Variants in DDX19B observed in about 807,000 individuals in gnomAD.
DDX19B encodes ATP-dependent RNA helicase DDX19B.
In DDX19B, 27 loss-of-function variants were observed where a neutral mutation model predicts 58.1. That is an observed-to-expected ratio of 0.46 (90% CI 0.34 to 0.64). The LOEUF (loss-of-function observed/expected upper bound fraction) is 0.64. Ranked by LOEUF, DDX19B falls within the 30% of genes least tolerant of loss-of-function variation. The pLI is 0.01. For missense variants in DDX19B, 399 were observed against 596.5 expected, an observed-to-expected ratio of 0.67 and a Z score of 3.45; for synonymous variants, 187 against 214.4, an observed-to-expected ratio of 0.87 and a Z score of 1.12.
At chr16:70,319,263 T>C (rs181637168) in intron 5 of DDX19B, among the ~76,000 whole-genome samples, 7 of 152,344 alleles carry the variant, frequency 4.6e-5, no homozygotes, top group South Asian at 2.1e-4. Flanking sequence ...TCAAATATAA[T>C]AGAAGCCAAA....
At chr16:70,308,801 C>T (rs1961919218) in intron 1 of DDX19B, among the ~76,000 whole-genome samples, 1 of 151,272 alleles carries the variant, frequency 6.6e-6, no homozygotes, top group African/African-American at 2.5e-5. Flanking sequence ...GTGTGAGCCA[C>T]TGTGCCCAGC....
intron 1 of DDX19B, among the ~76,000 whole-genome samples, chr16:70,299,698 T>C (rs11861097): frequency 0.093 from 14,157 of 152,056 alleles, 2,146 homozygotes; most frequent in African/African-American, 0.32. Context: ...GAACTCCTGG[T>C]CTCAAGCTAT....
chr16:70,290,245 A>G (rs1961025879), upstream of DDX19B, among the ~76,000 whole-genome samples: 1 of 151,976 alleles, frequency 6.6e-6, no homozygotes, highest in Non-Finnish European at 1.5e-5. Context: ...TCTACGAAAA[A>G]TTTTTTAAAA....
intron 5 of DDX19B, among the ~76,000 whole-genome samples, chr16:70,321,718 CAT>C (rs746046834): frequency 1.4e-4 from 22 of 152,246 alleles, no homozygotes; most frequent in African/African-American, 5.1e-4. Context: ...AATTTTATGA[CAT>C]ATATTTTTTA....
chr16:70,312,396 T>C (rs1461153544), intron 1 of DDX19B, among the ~76,000 whole-genome samples: 2 of 152,314 alleles, frequency 1.3e-5, no homozygotes, highest in Admixed American at 1.3e-4. Flanking sequence ...GGTACAGATT[T>C]GGAGCATTTT....
intron 1 of DDX19B, among the ~76,000 whole-genome samples, chr16:70,304,101 G>A (rs1413638033): frequency 2.6e-5 from 4 of 151,256 alleles, no homozygotes; most frequent in East Asian, 2.0e-4. Flanking sequence ...GTGCAGTGGC[G>A]CAATCTCAGC....
At chr16:70,293,183 G>A (rs1961103973), upstream of DDX19B, among the ~76,000 whole-genome samples, 2 of 152,138 alleles carry the variant, frequency 1.3e-5, no homozygotes, top group South Asian at 4.1e-4. Flanking sequence ...TTGGGATTCT[G>A]AGGTGGGTGG....
chr16:70,291,299 TC>T (rs1961054906), upstream of DDX19B, among the ~76,000 whole-genome samples: 1 of 152,166 alleles, frequency 6.6e-6, no homozygotes, highest in South Asian at 2.1e-4. Flanking sequence ...TTTATTCTGA[TC>T]CACAGTGCCC....
chr16:70,322,891 CAAA>C (rs113261271), intron 5 of DDX19B, among the ~76,000 whole-genome samples: 4 of 48,166 alleles, frequency 8.3e-5, no homozygotes. Flanking sequence ...AACTCCGTTG[CAAA>C]AAAAAAAAAA....
rs188951439 is a variant in DDX19B, at chr16:70,323,068, T to G, written c.390-1517T>G. ...GACCTCATTTTCCTCGTCCATATCTTTGGCCTGCTGCGGCTGCTCCGTTTT... is the reference window on the plus strand; with the variant it reads ...GACCTCATTTTCCTCGTCCATATCTGTGGCCTGCTGCGGCTGCTCCGTTTT... On this transcript the variant is annotated intron_variant, in intron 5 of 11. Coordinates refer to ENST00000288071, the MANE Select transcript of DDX19B (RefSeq NM_007242.7). Among the ~76,000 whole-genome samples the G allele has an allele frequency of 7.2e-4, 109 of 152,208 alleles. 1 individual carries two copies. The highest frequency in any genetic ancestry group is 2.4e-3 in the African/African-American group (100 of 41,554).
chr16:70,310,758 C>T (rs772004628), intron 1 of DDX19B, among the ~76,000 whole-genome samples: 4 of 152,108 alleles, frequency 2.6e-5, no homozygotes, highest in South Asian at 4.1e-4. Flanking sequence ...TGGCCAGGTG[C>T]GGTGGCTCAT....
chr16:70,293,241 A>C (rs962681962), upstream of DDX19B, among the ~76,000 whole-genome samples: 8 of 151,754 alleles, frequency 5.3e-5, no homozygotes, highest in African/African-American at 1.9e-4. Flanking sequence ...ACATGACAAA[A>C]CTCAACCTCT....
chr16:70,334,676 G>T lies in DDX19B; in HGVS notation c.*1094G>T, dbSNP rs1007235307. The stretch of plus-strand genomic sequence containing the variant: ...GGAATACAAACAGGTGCAACTGAGG[G>T]ACTAGCTACACTACCACCATTTATC... On this transcript the variant is annotated 3_prime_UTR_variant, in exon 12 of 12. Transcript: ENST00000288071. 1.3e-5 allele frequency: 2 copies of T among 152,168 alleles called. No homozygotes were observed. The highest frequency in any genetic ancestry group is 2.9e-5 in the Non-Finnish European group (2 of 68,040). The allele number at this position is 152,168 out of a possible 1,614,324, so 9.4% of individuals were successfully genotyped here. A position where few individuals can be genotyped will look rare whatever the true frequency, so the allele number is the denominator to read the frequency against.
At chr16:70,320,894 T>C (rs1962750818) in intron 5 of DDX19B, among the ~76,000 whole-genome samples, 1 of 150,976 alleles carries the variant, frequency 6.6e-6, no homozygotes, top group African/African-American at 2.4e-5. Flanking sequence ...AGTTGTGCTA[T>C]GTTGCCCAGG....
In DDX19B at chr16:70,332,996, C is replaced by T. The variant is rs1270930719; in HGVS notation, c.1215C>T (p.Val405=). 1.9e-6 allele frequency: 3 copies of T among 1,613,426 alleles called. No homozygotes were observed. The East Asian group carries it at 6.7e-5, about 36-fold the overall frequency. The change falls in exon 11 of 12, where the codon GTC becomes GTT. Residue 405 remains valine (V), a synonymous_variant. Coordinates refer to ENST00000288071, the MANE Select transcript of DDX19B (RefSeq NM_007242.7). The part of the protein sequence containing the change: ...RGIDVEQVSV[V]INFDLPVDKD... ...TTGATGTTGAACAAGTGTCTGTCGTCATCAACTTTGATCTTCCCGTGGACA... is the reference window on the plus strand; with the variant it reads ...TTGATGTTGAACAAGTGTCTGTCGTTATCAACTTTGATCTTCCCGTGGACA...
At chr16:70,302,057 A>T (rs1017266686) in intron 1 of DDX19B, among the ~76,000 whole-genome samples, 2 of 151,564 alleles carry the variant, frequency 1.3e-5, no homozygotes, top group African/African-American at 2.4e-5. Flanking sequence ...AGTAGCTGGG[A>T]TTACAGGCAT....
At position 70,321,258 on chromosome 16, in the gene DDX19B, G is replaced by A. The variant is rs375281037; in HGVS notation, c.390-3327G>A. 5.7e-4 allele frequency among the ~76,000 whole-genome samples: 87 copies of A among 152,164 alleles called. 1 individual carries two copies. In the East Asian group the frequency reaches 6.8e-3, roughly 12 times the overall value. ...ATCACAGGCGTGAGCCACTGCGCCC[G>A]GCCTTCAGGCTTTTTTTTGTTTTGT... On this transcript the variant is annotated intron_variant, in intron 5 of 11. Transcript: ENST00000288071.
At chr16:70,311,982 C>T in intron 1 of DDX19B, among the ~76,000 whole-genome samples, 1 of 152,116 alleles carries the variant, frequency 6.6e-6, no homozygotes, top group Non-Finnish European at 1.5e-5. Context: ...GCTGGCACTA[C>T]AGGCATGCAC....
chr16:70,314,702 A>G, intron 2 of DDX19B, 200 bp from the exon 3 acceptor site: 1 of 433,438 alleles, frequency 2.3e-6, no homozygotes, highest in Non-Finnish European at 4.4e-6. Flanking sequence ...CTATCTATAT[A>G]TATATATATG....
Sources: gnomAD v4.1 joint callset for allele counts (sites outside exome capture counted in the v4.1 genomes callset) on GRCh38, gnomAD v4.1.1 for gene constraint, MANE v1.5 for transcripts, NCBI Gene and HGNC (gene_info 2026-07-23, HGNC 2026-07-21) for gene names.